The following LONP2 variants were observed in gnomAD, a reference collection of about 807,000 sequenced individuals.
LONP2 encodes the protein lon protease homolog 2, peroxisomal.
A neutral mutation model predicts 85.6 loss-of-function variants in LONP2; 60 were observed. That is an observed-to-expected ratio of 0.70 (90% CI 0.57 to 0.87). The LOEUF is 0.87. LONP2 is among the 40% of genes least tolerant of loss of function. The pLI is 0.00. For synonymous variants in LONP2, 395 were observed against 389.7 expected, an observed-to-expected ratio of 1.01 and a Z score of -0.16; for missense variants, 860 against 1,063.5, an observed-to-expected ratio of 0.81 and a Z score of 2.66.
chr16:48,349,074 G>T (rs900721928), intron 14 of LONP2, among the ~76,000 whole-genome samples: 5 of 151,902 alleles, frequency 3.3e-5, no homozygotes, highest in Non-Finnish European at 7.4e-5. Context: ...TTTTGAAAAG[G>T]TTCTATACAT....
chr16:48,308,647 GTCAAC>G lies in LONP2; in HGVS notation c.1795+5347_1795+5351del, dbSNP rs1161524832. 3.3e-3 allele frequency among the ~76,000 whole-genome samples: 433 copies of G among 130,866 alleles called. 2 individuals are homozygous for G. The highest frequency in any genetic ancestry group is 0.012 in the African/African-American group (414 of 33,320). 85.9% of individuals were successfully genotyped at this position (130,866 alleles called of 152,430 possible). On this transcript the variant is annotated intron_variant, in intron 11 of 14. Transcript: ENST00000285737. The stretch of plus-strand genomic sequence containing the variant: ...CTGTCTCAAAAAAAAAAAAAAAAAA[GTCAAC>G]TCAAGATAGATTAAAGACTTAAATG...
At chr16:48,361,540 GAA>G, downstream of LONP2, 1 of 1,594,774 alleles carries the variant, frequency 6.3e-7, no homozygotes, top group Non-Finnish European at 8.6e-7. Flanking sequence ...CTGTGAAACT[GAA>G]GTTTTAAACA....
At chr16:48,275,694 G>C (rs934595611) in intron 7 of LONP2, among the ~76,000 whole-genome samples, 17 of 152,132 alleles carry the variant, frequency 1.1e-4, no homozygotes, top group Non-Finnish European at 2.4e-4. Context: ...TATCTTGATT[G>C]TGGTTGAAGC....
At chr16:48,336,278 C>T (rs372035131) in intron 12 of LONP2, 1 of 445,378 alleles carries the variant, frequency 2.2e-6, no homozygotes. Context: ...TACCAGTTAT[C>T]CTTGTTAGCA....
At chr16:48,325,249 G>T (rs954010103) in intron 11 of LONP2, among the ~76,000 whole-genome samples, 1 of 152,178 alleles carries the variant, frequency 6.6e-6, no homozygotes, top group Non-Finnish European at 1.5e-5. Context: ...TGCTCAGGCC[G>T]TAATGCTTGC....
chr16:48,325,213 G>T (rs949584272), intron 11 of LONP2, among the ~76,000 whole-genome samples: 37 of 152,124 alleles, frequency 2.4e-4, no homozygotes, highest in African/African-American at 8.7e-4. Flanking sequence ...AGAATCTAAT[G>T]CCGCTGCTGA....
intron 7 of LONP2, among the ~76,000 whole-genome samples, chr16:48,272,258 T>A (rs1972120761): frequency 6.6e-6 from 1 of 152,226 alleles, no homozygotes; most frequent in African/African-American, 2.4e-5. Context: ...AATTTCAATC[T>A]GATTTTTTAA....
Position 48,348,289 on chromosome 16 carries a change from C to T in LONP2, c.2336C>T (p.Pro779Leu). 2.1e-6 allele frequency: 3 copies of T among 1,444,398 alleles called. No individual in the cohort carries two copies. The highest frequency in any genetic ancestry group is 1.8e-6 in the Non-Finnish European group (2 of 1,094,076). 89.5% of individuals were successfully genotyped at this position (1,444,398 alleles called of 1,614,324 possible). A position where few individuals can be genotyped will look rare whatever the true frequency, so the allele number is the denominator to read the frequency against. The change falls in exon 14 of 15, where the codon CCA becomes CTA. Residue 779 changes from proline (P) to leucine (L), a missense_variant and splice_region_variant. Coordinates refer to ENST00000285737, the MANE Select transcript of LONP2 (RefSeq NM_031490.5). The part of the protein sequence containing the change: ...GEITLRGLVL[P>L]VGGIKDKVLA... Reference sequence around the variant, plus strand: ...ATTACACTGAGAGGTCTTGTTCTTCCAGTAAGTATGAAAAAACAATTTATA... The same window carrying T: ...ATTACACTGAGAGGTCTTGTTCTTCTAGTAAGTATGAAAAAACAATTTATA...
chr16:48,271,949 T>G (rs1394349300), intron 7 of LONP2, among the ~76,000 whole-genome samples: 1 of 152,210 alleles, frequency 6.6e-6, no homozygotes, highest in African/African-American at 2.4e-5. Flanking sequence ...AAGCTGCGTC[T>G]AGGGCCTAAA....
intron 6 of LONP2, among the ~76,000 whole-genome samples, 196 bp from the exon 7 acceptor site, chr16:48,269,820 C>T (rs1241074234): frequency 1.3e-5 from 2 of 152,090 alleles, no homozygotes; most frequent in Non-Finnish European, 2.9e-5. Context: ...TGCCTACTAT[C>T]TCTGGGGACA....
intron 11 of LONP2, among the ~76,000 whole-genome samples, chr16:48,312,180 T>G (rs1973047214): frequency 6.6e-6 from 1 of 152,112 alleles, no homozygotes; most frequent in African/African-American, 2.4e-5. Context: ...TGGCCTCAAG[T>G]GATCCATCCA....
intron 9 of LONP2, among the ~76,000 whole-genome samples, chr16:48,298,446 CAT>C (rs1012993550): frequency 1.3e-5 from 2 of 151,844 alleles, no homozygotes; most frequent in Non-Finnish European, 1.5e-5. Context: ...CATATGCACA[CAT>C]ATATAAATAC....
chr16:48,334,645 C>T, intron 12 of LONP2: 2 of 609,684 alleles, frequency 3.3e-6, no homozygotes, highest in South Asian at 3.2e-5. Context: ...ACAGGCACAG[C>T]ATCAGGCGCA....
chr16:48,327,362 A>C (rs1452505320), intron 11 of LONP2, among the ~76,000 whole-genome samples: 3 of 152,194 alleles, frequency 2.0e-5, no homozygotes, highest in East Asian at 1.9e-4. Context: ...AAAATAGTCG[A>C]AGTGGGATGA....
chr16:48,315,711 G>A (rs1973126186), intron 11 of LONP2, among the ~76,000 whole-genome samples: 1 of 151,888 alleles, frequency 6.6e-6, no homozygotes, highest in Admixed American at 6.6e-5. Flanking sequence ...CTCTTTTATT[G>A]GTTTTGGAAA....
rs756775394 is a variant in LONP2, at chr16:48,347,679, T to A, written c.2111T>A (p.Leu704His). ...KESAHLAISW[L>H]RSNAKKYQLT... ...TCCGCCCACCTCGCTATCAGCTGGC[T>A]CCGCAGCAACGCAAAGAAGTACCAG... Residue 704 changes from leucine (L) to histidine (H), a missense_variant, in exon 13 of 15, where the codon CTC becomes CAC. Around this residue, in one of 3 missense-constraint regions of LONP2, gnomAD observed 743 missense variants for 917.3 expected, o/e 0.81. Transcript: ENST00000285737. The A allele has an allele frequency of 1.2e-6, 2 of 1,614,070 alleles. No individual in the cohort carries two copies. The highest frequency in any genetic ancestry group is 2.2e-5 in the East Asian group (1 of 44,880).
downstream of LONP2, among the ~76,000 whole-genome samples, chr16:48,357,682 T>C (rs778546935): frequency 8.5e-5 from 13 of 152,248 alleles, no homozygotes; most frequent in Non-Finnish European, 1.5e-4. Context: ...GTGAATGAAA[T>C]AGAATTCTAC....
intron 8 of LONP2, among the ~76,000 whole-genome samples, chr16:48,290,004 C>G (rs1403525628): frequency 2.6e-5 from 4 of 152,058 alleles, no homozygotes. Context: ...TAATGACATT[C>G]TCATTTTTAT....
At chr16:48,264,553 A>G (rs1375882293) in intron 6 of LONP2, among the ~76,000 whole-genome samples, 1 of 152,166 alleles carries the variant, frequency 6.6e-6, no homozygotes. Context: ...GCACAAACAC[A>G]CATGCTGTAC....
Sources: gnomAD v4.1 joint callset for allele counts (sites outside exome capture counted in the v4.1 genomes callset) on GRCh38, gnomAD v4.1.1 for gene constraint, gnomAD v4.1.1 regional missense constraint, MANE v1.5 for transcripts, NCBI Gene and HGNC (gene_info 2026-07-23, HGNC 2026-07-21) for gene names.